Variants in SPOCK1 observed in about 807,000 individuals in gnomAD.
The protein encoded by SPOCK1 is SPARC (osteonectin), cwcv and kazal like domains proteoglycan 1.
Under a neutral mutation model 55.3 loss-of-function variants are expected in SPOCK1, and 23 were observed. The observed-to-expected ratio is 0.42, with a 90% CI of 0.30 to 0.59. The LOEUF is 0.59. Among genes scored for constraint, SPOCK1 ranks in the 20% least tolerant of loss-of-function variants. The pLI is 0.22. For missense variants in SPOCK1, 499 were observed against 552.5 expected (o/e 0.90, Z 0.97); for synonymous variants, 226 against 221.0 (o/e 1.02, Z -0.20).
At chr5:137,237,270 C>A (rs1756198764) in intron 3 of SPOCK1, among the ~76,000 whole-genome samples, 2 of 152,186 alleles carry the variant, frequency 1.3e-5, no homozygotes, top group South Asian at 2.1e-4. Flanking sequence ...CCAGCATTCA[C>A]TCATTCAGTG....
chr5:137,156,961 A>C (rs1440045954), intron 3 of SPOCK1, among the ~76,000 whole-genome samples: 2 of 152,208 alleles, frequency 1.3e-5, no homozygotes, highest in Admixed American at 6.5e-5. Context: ...ATTAAGGAAT[A>C]TCACACAAAA....
At chr5:137,280,318 G>C (rs1757142836) in intron 2 of SPOCK1, among the ~76,000 whole-genome samples, 1 of 152,096 alleles carries the variant, frequency 6.6e-6, no homozygotes, top group African/African-American at 2.4e-5. Context: ...TTATTATTTG[G>C]GGAAACAATA....
At chr5:137,422,592 G>C (rs906181141) in intron 2 of SPOCK1, among the ~76,000 whole-genome samples, 2 of 152,142 alleles carry the variant, frequency 1.3e-5, no homozygotes, top group African/African-American at 4.8e-5. Flanking sequence ...ACTGAGGCTT[G>C]TGCATTCGTC....
At chr5:137,318,519 AAG>A (rs966169529) in intron 2 of SPOCK1, among the ~76,000 whole-genome samples, 5 of 152,148 alleles carry the variant, frequency 3.3e-5, no homozygotes, top group Non-Finnish European at 5.9e-5. Context: ...GTACCTTGAG[AAG>A]AGGTAAGAGT....
At chr5:137,040,351 C>A (rs187825936) in intron 6 of SPOCK1, among the ~76,000 whole-genome samples, 13 of 152,290 alleles carry the variant, frequency 8.5e-5, no homozygotes, top group African/African-American at 2.9e-4. Flanking sequence ...GTCTTTTCGC[C>A]CAAGCACTGC....
At chr5:137,083,988 T>A (rs1163144385) in intron 5 of SPOCK1, among the ~76,000 whole-genome samples, 2 of 152,078 alleles carry the variant, frequency 1.3e-5, no homozygotes, top group Non-Finnish European at 2.9e-5. Flanking sequence ...GCCTGTCACT[T>A]ACAGCTTTGA....
chr5:137,141,471 A>G (rs2127052096), intron 3 of SPOCK1, among the ~76,000 whole-genome samples: 1 of 152,368 alleles, frequency 6.6e-6, no homozygotes, highest in South Asian at 2.1e-4. Context: ...AAGTTTTTGA[A>G]GAACTTCAGG....
At chr5:137,036,921 C>T (rs188253621) in intron 6 of SPOCK1, among the ~76,000 whole-genome samples, 1 of 152,116 alleles carries the variant, frequency 6.6e-6, no homozygotes, top group East Asian at 1.9e-4. Context: ...CATTCACCCC[C>T]CAACCAGAAG....
At position 136,978,719 on chromosome 5, in the gene SPOCK1, C is replaced by A. The variant is rs1202617284; in HGVS notation, c.1255G>T (p.Ala419Ser). The change falls in exon 11 of 11, where the codon GCC becomes TCC. Residue 419 changes from alanine to serine, a missense_variant. By Grantham distance (99) the Ala-to-Ser change is moderately conservative. This residue lies in a region of SPOCK1 where 83 missense variants were observed against 87.5 expected (regional missense o/e 0.95). Coordinates refer to ENST00000394945, the MANE Select transcript of SPOCK1 (RefSeq NM_004598.4). ...TCATCCTCATCATCCTCTGTCACGG[C>A]TCGGGTGTGCACCCTCAGCTTCCCC... ...KEGKLRVHTRAVTEDDEDEDD... is the reference protein window; with the variant it reads ...KEGKLRVHTRSVTEDDEDEDD... 1 of 1,613,972 alleles carries A rather than the reference C, an allele frequency of 6.2e-7. No individual in the cohort carries two copies. The highest frequency in any genetic ancestry group is 2.2e-5 in the East Asian group (1 of 44,878).
intron 2 of SPOCK1, among the ~76,000 whole-genome samples, chr5:137,301,033 C>T (rs530205995): frequency 4.3e-4 from 66 of 152,348 alleles, no homozygotes; most frequent in African/African-American, 1.5e-3. Flanking sequence ...GAGGCTCATC[C>T]TTAGCCAAAC....
intron 3 of SPOCK1, among the ~76,000 whole-genome samples, chr5:137,259,777 T>C (rs1756711283): frequency 6.6e-6 from 1 of 152,120 alleles, no homozygotes; most frequent in African/African-American, 2.4e-5. Flanking sequence ...AGATTTGATT[T>C]GAGCACTTTC....
intron 5 of SPOCK1, among the ~76,000 whole-genome samples, chr5:137,082,745 T>G (rs1400549792): frequency 6.6e-6 from 1 of 152,208 alleles, no homozygotes; most frequent in Non-Finnish European, 1.5e-5. Context: ...CACAGAGGCC[T>G]AAGCAAAGTG....
intron 3 of SPOCK1, among the ~76,000 whole-genome samples, chr5:137,182,345 C>T (rs1319993727): frequency 6.6e-6 from 1 of 152,188 alleles, no homozygotes; most frequent in African/African-American, 2.4e-5. Context: ...CTTCCCCAGG[C>T]TGAATCTTAA....
intron 2 of SPOCK1, among the ~76,000 whole-genome samples, chr5:137,445,263 A>T (rs1753099831): frequency 6.6e-6 from 1 of 152,108 alleles, no homozygotes; most frequent in Non-Finnish European, 1.5e-5. Context: ...CTGAGACCAA[A>T]TTTCACCTCC....
At chr5:137,147,549 T>C (rs1754221521) in intron 3 of SPOCK1, among the ~76,000 whole-genome samples, 1 of 152,206 alleles carries the variant, frequency 6.6e-6, no homozygotes, top group African/African-American at 2.4e-5. Flanking sequence ...TGCTACGTCC[T>C]TACATGGTCT....
chr5:136,984,849 AAGC>A (rs1270547018), intron 9 of SPOCK1, among the ~76,000 whole-genome samples: 14 of 152,288 alleles, frequency 9.2e-5, no homozygotes, highest in Admixed American at 4.6e-4. Flanking sequence ...TACTTAGAAA[AAGC>A]CAAGATTTGT....
At chr5:137,281,995 G>A (rs1757172631) in intron 2 of SPOCK1, among the ~76,000 whole-genome samples, 1 of 152,182 alleles carries the variant, frequency 6.6e-6, no homozygotes, top group Non-Finnish European at 1.5e-5. Context: ...CATTGCCTAA[G>A]TGACTCTGGA....
chr5:137,470,856 C>T (rs1487584683), intron 2 of SPOCK1, among the ~76,000 whole-genome samples: 3 of 152,160 alleles, frequency 2.0e-5, no homozygotes, highest in East Asian at 1.9e-4. Context: ...CCCAGCCTCA[C>T]GGGAAGCAGA....
intron 9 of SPOCK1, among the ~76,000 whole-genome samples, chr5:136,981,188 G>C (rs1424840305): frequency 6.6e-6 from 1 of 152,090 alleles, no homozygotes; most frequent in Non-Finnish European, 1.5e-5. Context: ...GCTAATTCTG[G>C]TATATACTAA....
Sources: allele counts gnomAD v4.1 joint callset (sites outside exome capture counted in the v4.1 genomes callset), GRCh38; gene constraint gnomAD v4.1.1; regional missense constraint gnomAD v4.1.1; transcripts MANE v1.5; gene names NCBI Gene and HGNC (gene_info 2026-07-23, HGNC 2026-07-21).